Variants in ATP2B1 observed in about 807,000 individuals in gnomAD.
ATP2B1 encodes ATPase plasma membrane Ca2+ transporting 1, also known as plasma membrane calcium-transporting ATPase 1.
A neutral mutation model predicts 124.2 loss-of-function variants in ATP2B1; 14 were observed. That is an observed-to-expected ratio of 0.11 (90% CI 0.07 to 0.18). The LOEUF is 0.18. ATP2B1 is among the 10% of genes least tolerant of loss of function. The probability of loss-of-function intolerance (pLI) is 1.00; values close to 1 mark genes in which losing one functional copy is unlikely to be tolerated. For missense variants in ATP2B1, 763 were observed against 1,466.1 expected, an observed-to-expected ratio of 0.52 and a Z score of 7.83; for synonymous variants, 449 against 492.4, an observed-to-expected ratio of 0.91 and a Z score of 1.17.
intron 1 of ATP2B1, among the ~76,000 whole-genome samples, chr12:89,660,153 T>C (rs1886527358): frequency 6.6e-6 from 1 of 152,088 alleles, no homozygotes; most frequent in Admixed American, 6.6e-5. Flanking sequence ...AAAGGACCAA[T>C]CTAGAAAGAG....
chr12:89,609,510 A>G (rs1565813475), intron 15 of ATP2B1, among the ~76,000 whole-genome samples: 2 of 152,228 alleles, frequency 1.3e-5, no homozygotes, highest in African/African-American at 4.8e-5. Context: ...AAGATTATAT[A>G]TAAAATGATG....
rs955211220 is a variant in ATP2B1, at chr12:89,664,400, T to C, written c.-221-8293A>G. On this transcript the variant is annotated intron_variant, in intron 1 of 20. Coordinates refer to ENST00000428670, the MANE Select transcript of ATP2B1 (RefSeq NM_001366521.1). ...TCTCAAACACAGGTATCTTGAACTA[T>C]AGAAATTTTTGGTCTACGGTCAAGT... is the stretch of plus-strand genomic sequence containing the variant. Among the ~76,000 whole-genome samples, 5 of 152,228 alleles carry C rather than the reference T, an allele frequency of 3.3e-5. 1 individual carries two copies. The highest frequency in any genetic ancestry group is 4.1e-4 in the South Asian group (2 of 4,832).
intron 3 of ATP2B1, among the ~76,000 whole-genome samples, chr12:89,635,855 G>A (rs1204251622): frequency 6.6e-6 from 1 of 152,138 alleles, no homozygotes; most frequent in African/African-American, 2.4e-5. Context: ...TTTGAGCACA[G>A]GCTAGGTGCC....
chr12:89,681,951 A>G (rs1889397966), intron 1 of ATP2B1, among the ~76,000 whole-genome samples: 1 of 152,310 alleles, frequency 6.6e-6, no homozygotes, highest in Middle Eastern at 3.4e-3. Context: ...CATAAGAATT[A>G]GGAAGGAAAA....
chr12:89,677,963 TATATATATAC>T lies in ATP2B1; in HGVS notation c.-221-21866_-221-21857del, dbSNP rs1340990776. Among the ~76,000 whole-genome samples the T allele has an allele frequency of 3.3e-4, 33 of 100,898 alleles. 1 individual carries two copies. The East Asian group carries it at 3.3e-3, about 10-fold the overall frequency. The allele number at this position is 100,898 out of a possible 152,430, so 66.2% of individuals were successfully genotyped here. A position where few individuals can be genotyped will look rare whatever the true frequency, so the allele number is the denominator to read the frequency against. ...TGGGGGCATGCAGGAATTATATATA[TATATATATAC>T]ACACACACACACACACACACACACA... On this transcript the variant is annotated intron_variant, in intron 1 of 20. Coordinates refer to ENST00000428670, the MANE Select transcript of ATP2B1 (RefSeq NM_001366521.1).
intron 1 of ATP2B1, among the ~76,000 whole-genome samples, chr12:89,671,771 G>T (rs201798385): frequency 7.1e-6 from 1 of 139,966 alleles, no homozygotes; most frequent in African/African-American, 2.6e-5. Flanking sequence ...TCCCAAGGCA[G>T]TTTTTTTTTT....
At chr12:89,630,196 A>G (rs1881619768) in intron 6 of ATP2B1, among the ~76,000 whole-genome samples, 1 of 152,212 alleles carries the variant, frequency 6.6e-6, no homozygotes, top group Non-Finnish European at 1.5e-5. Context: ...AGCCACTGCT[A>G]AAGTAGCAGA....
intron 1 of ATP2B1, among the ~76,000 whole-genome samples, chr12:89,670,203 C>A (rs1323684921): frequency 6.6e-6 from 1 of 151,976 alleles, no homozygotes. Flanking sequence ...TGTAAATGGA[C>A]AAGAACCAGA....
chr12:89,618,247 A>G (rs1251011247), intron 11 of ATP2B1, among the ~76,000 whole-genome samples: 1 of 152,216 alleles, frequency 6.6e-6, no homozygotes, highest in Non-Finnish European at 1.5e-5. Flanking sequence ...AAAAGTCTCC[A>G]CAACAAAATG....
intron 1 of ATP2B1, among the ~76,000 whole-genome samples, chr12:89,696,781 G>C (rs76323349): frequency 0.013 from 1,987 of 152,154 alleles, 23 homozygotes; most frequent in Non-Finnish European, 0.017. Context: ...TCTTTCTATA[G>C]AGAATATCTC....
intron 15 of ATP2B1, among the ~76,000 whole-genome samples, chr12:89,607,826 A>G (rs1235624669): frequency 6.6e-6 from 1 of 152,118 alleles, no homozygotes; most frequent in Non-Finnish European, 1.5e-5. Flanking sequence ...AACCATCCAT[A>G]TTTTTTGTCC....
At chr12:89,659,544 C>G (rs994673724) in intron 1 of ATP2B1, among the ~76,000 whole-genome samples, 1 of 152,214 alleles carries the variant, frequency 6.6e-6, no homozygotes, top group Non-Finnish European at 1.5e-5. Context: ...GTTACTAGAG[C>G]TCATAAAGAG....
At chr12:89,613,208 TG>T (rs1287411632) in intron 12 of ATP2B1, among the ~76,000 whole-genome samples, 1 of 152,146 alleles carries the variant, frequency 6.6e-6, no homozygotes, top group African/African-American at 2.4e-5. Flanking sequence ...CTTGAACTCC[TG>T]AGCTCAGGCG....
intron 6 of ATP2B1, among the ~76,000 whole-genome samples, chr12:89,629,121 T>A (rs575717768): frequency 1.6e-4 from 25 of 152,204 alleles, no homozygotes; most frequent in African/African-American, 5.5e-4. Flanking sequence ...GAAAAGACAC[T>A]GTGGAATACA....
chr12:89,637,668 G>A (rs562254791), intron 3 of ATP2B1, among the ~76,000 whole-genome samples: 191 of 151,896 alleles, frequency 1.3e-3, no homozygotes, highest in Admixed American at 2.9e-3. Flanking sequence ...CAAAGTGCTG[G>A]GATTACAGGC....
chr12:89,671,352 C>G (rs1449786752), intron 1 of ATP2B1, among the ~76,000 whole-genome samples: 1 of 152,120 alleles, frequency 6.6e-6, no homozygotes, highest in African/African-American at 2.4e-5. Flanking sequence ...CTTTCTCATT[C>G]AAGCAGTATT....
intron 12 of ATP2B1, among the ~76,000 whole-genome samples, chr12:89,612,489 T>C (rs1177308032): frequency 6.6e-6 from 1 of 151,750 alleles, no homozygotes; most frequent in Non-Finnish European, 1.5e-5. Context: ...CTCTAGCCTA[T>C]TTCTGCCATG....
At position 89,611,413 on chromosome 12, in the gene ATP2B1, T is replaced by C. The variant is rs910754841; in HGVS notation, c.2068-41A>G. 6 of 1,462,880 alleles carry C rather than the reference T, an allele frequency of 4.1e-6. No homozygotes were observed. In the African/African-American group the frequency reaches 8.6e-5, roughly 21 times the overall value. 90.6% of individuals were successfully genotyped at this position (1,462,880 alleles called of 1,614,324 possible). A position where few individuals can be genotyped will look rare whatever the true frequency, so the allele number is the denominator to read the frequency against. ...AAAAAAAATTACAAAGTTAATTTGG[T>C]ATTTTTAGAAGGAAAAATATTTCAC... On this transcript the variant is annotated intron_variant, in intron 12 of 20. Coordinates refer to ENST00000428670, the MANE Select transcript of ATP2B1 (RefSeq NM_001366521.1).
At position 89,655,768 on chromosome 12, in the gene ATP2B1, A is replaced by G. The variant is rs766697125; in HGVS notation, c.119T>C (p.Leu40Pro). 13 of 1,614,046 alleles carry G rather than the reference A, an allele frequency of 8.1e-6. No homozygotes were observed. Among genetic ancestry groups the G allele is most frequent in the Non-Finnish European group, 1.1e-5 (13 of 1,180,028 alleles). ...TLAELRALME[L>P]RSTDALRKIQ... ...TTTTCGTAATGCATCTGTGGACCTG[A>G]GCTCCATGAGAGCCCGCAGCTCTGC... is the stretch of plus-strand genomic sequence containing the variant. The change falls in exon 2 of 21, where the codon CTC (leucine) becomes CCC (proline). Residue 40 changes from leucine (L) to proline (P), a missense_variant. Leu to Pro is a moderately conservative substitution (Grantham distance 98). Coordinates refer to ENST00000428670, the MANE Select transcript of ATP2B1 (RefSeq NM_001366521.1).
Sources: allele counts gnomAD v4.1 joint callset (sites outside exome capture counted in the v4.1 genomes callset), GRCh38; gene constraint gnomAD v4.1.1; transcripts MANE v1.5; gene names NCBI Gene and HGNC (gene_info 2026-07-23, HGNC 2026-07-21).